The following SORCS2 variants were observed in gnomAD, a reference collection of about 807,000 sequenced individuals.
SORCS2 encodes the protein VPS10 domain-containing receptor SorCS2.
SORCS2 carries 100 observed loss-of-function variants against 141.6 expected under a neutral mutation model. That is an observed-to-expected ratio of 0.71 (90% CI 0.60 to 0.83). SORCS2 has a LOEUF of 0.83. SORCS2 is among the 40% of genes least tolerant of loss of function. The pLI is 0.00. For synonymous variants in SORCS2, 789 were observed against 676.9 expected, an observed-to-expected ratio of 1.17 and a Z score of -2.57; for missense variants, 1,646 against 1,560.2, an observed-to-expected ratio of 1.05 and a Z score of -0.93.
intron 7 of SORCS2, among the ~76,000 whole-genome samples, chr4:7,665,070 C>T (rs187672277): frequency 8.3e-4 from 127 of 152,306 alleles, no homozygotes; most frequent in Non-Finnish European, 1.6e-3. Flanking sequence ...TCTGCGTCAT[C>T]GGACTCCCAT....
intron 2 of SORCS2, among the ~76,000 whole-genome samples, chr4:7,494,617 C>T (rs1033796063): frequency 1.1e-4 from 17 of 152,212 alleles, no homozygotes; most frequent in African/African-American, 4.1e-4. Flanking sequence ...TAATCACCTC[C>T]CAAAGGCCCC....
At chr4:7,705,329 C>G (rs904462742) in intron 14 of SORCS2, among the ~76,000 whole-genome samples, 1 of 152,198 alleles carries the variant, frequency 6.6e-6, no homozygotes, top group African/African-American at 2.4e-5. Flanking sequence ...GCCTTCTGGC[C>G]TCCAGAGCGC....
chr4:7,645,271 C>G (rs1720998187), intron 4 of SORCS2, among the ~76,000 whole-genome samples: 1 of 152,174 alleles, frequency 6.6e-6, no homozygotes, highest in African/African-American at 2.4e-5. Flanking sequence ...GACCAACCAT[C>G]CTTCTTGAAG....
chr4:7,588,318 C>T (rs533319147), intron 3 of SORCS2, among the ~76,000 whole-genome samples: 2 of 152,134 alleles, frequency 1.3e-5, no homozygotes, highest in African/African-American at 4.8e-5. Flanking sequence ...AACTTTCATG[C>T]GGTTGTTGGT....
At chr4:7,712,941 G>C in intron 15 of SORCS2, 88 bp downstream of exon 15, 8 of 1,535,194 alleles carry the variant, frequency 5.2e-6, no homozygotes, top group Non-Finnish European at 7.0e-6. Context: ...TCCCCTGCAA[G>C]GCCGCAGGGC....
chr4:7,737,338 A>C, intron 26 of SORCS2, 166 bp downstream of exon 26: 1 of 880,330 alleles, frequency 1.1e-6, no homozygotes, highest in Non-Finnish European at 1.7e-6. Flanking sequence ...TGTCCCCTCC[A>C]TCTGATGAGG....
intron 2 of SORCS2, among the ~76,000 whole-genome samples, chr4:7,455,460 G>A (rs1728834751): frequency 7.0e-6 from 1 of 143,656 alleles, no homozygotes; most frequent in Non-Finnish European, 1.5e-5. Flanking sequence ...CTGTGTGTTG[G>A]GGTCAGGTGC....
intron 3 of SORCS2, among the ~76,000 whole-genome samples, chr4:7,556,077 A>G (rs1011517518): frequency 6.6e-6 from 1 of 152,242 alleles, no homozygotes; most frequent in Non-Finnish European, 1.5e-5. Context: ...TTTTAAACAC[A>G]GGATGCCAAC....
intron 3 of SORCS2, among the ~76,000 whole-genome samples, chr4:7,544,102 A>G (rs1457522740): frequency 6.6e-6 from 1 of 150,564 alleles, no homozygotes; most frequent in Non-Finnish European, 1.5e-5. Context: ...CCATGCATGC[A>G]TCCACCCATC....
chr4:7,408,753 A>G (rs1725129676), intron 2 of SORCS2, among the ~76,000 whole-genome samples: 1 of 151,920 alleles, frequency 6.6e-6, no homozygotes, highest in South Asian at 2.1e-4. Flanking sequence ...TTGCTCTTTG[A>G]GGTAATTTTC....
At chr4:7,332,534 C>A (rs957198462) in intron 1 of SORCS2, among the ~76,000 whole-genome samples, 14 of 152,230 alleles carry the variant, frequency 9.2e-5, no homozygotes, top group African/African-American at 3.4e-4. Flanking sequence ...CTGGCCTAGG[C>A]AACACTCTCC....
chr4:7,384,244 C>T (rs1723156306), intron 1 of SORCS2, among the ~76,000 whole-genome samples: 1 of 152,210 alleles, frequency 6.6e-6, no homozygotes, highest in African/African-American at 2.4e-5. Context: ...GGTGCCTCAA[C>T]TTCCCCCAAA....
intron 1 of SORCS2, among the ~76,000 whole-genome samples, chr4:7,372,659 C>G (rs1352303186): frequency 6.6e-6 from 1 of 152,220 alleles, no homozygotes; most frequent in African/African-American, 2.4e-5. Flanking sequence ...TAAATGCATA[C>G]ACTCATGGAC....
At chr4:7,321,128 G>A (rs1718868402) in intron 1 of SORCS2, among the ~76,000 whole-genome samples, 1 of 152,038 alleles carries the variant, frequency 6.6e-6, no homozygotes, top group Non-Finnish European at 1.5e-5. Context: ...TAATGTCCAT[G>A]ATACTCCTGT....
In SORCS2 at chr4:7,664,488, G is replaced by A; in HGVS notation, c.1071+17G>A. 6.4e-7 allele frequency: 1 copy of A among 1,563,426 alleles called. No homozygotes were observed. Among genetic ancestry groups the A allele is most frequent in the Non-Finnish European group, 8.7e-7 (1 of 1,148,812 alleles). On this transcript the variant is annotated intron_variant, in intron 7 of 26. Transcript: ENST00000507866. The surrounding 1 kb of genome is among the most constrained non-coding windows in gnomAD (Gnocchi z 4.7). ...TTCTTTAAGGTAAGGTTGCTTCTGGGGCTTTTGGAAATTGGCAACAGGTGA... is the reference window on the plus strand; with the variant it reads ...TTCTTTAAGGTAAGGTTGCTTCTGGAGCTTTTGGAAATTGGCAACAGGTGA...
chr4:7,536,580 G>A (rs1398145569), intron 3 of SORCS2, among the ~76,000 whole-genome samples: 7 of 152,268 alleles, frequency 4.6e-5, no homozygotes, highest in South Asian at 2.1e-4. Context: ...GAGGTCAGGC[G>A]TGATTCCTCC....
Position 7,703,293 on chromosome 4 carries a change from A to C in SORCS2, c.1682A>C (p.Glu561Ala). The C allele has an allele frequency of 6.2e-7, 1 of 1,612,362 alleles. No homozygotes were observed. ...TCTCCTCTGCAGGTGTTTGAGGAAG[A>C]GCATCACATCCTGTACCTGGACCAC... ...GHTWRQVFEEEHHILYLDHGG... is the reference protein window; with the variant it reads ...GHTWRQVFEEAHHILYLDHGG... Residue 561 changes from glutamate to alanine, a missense_variant, in exon 13 of 27, where the codon GAG becomes GCG. Coordinates refer to ENST00000507866, the MANE Select transcript of SORCS2 (RefSeq NM_020777.3).
rs575921618 is a variant in SORCS2 at position 7,492,538 on chromosome 4, G to T, written c.549-38992G>T. Among the ~76,000 whole-genome samples, 217 of 152,324 alleles carry T rather than the reference G, an allele frequency of 1.4e-3. 1 individual carries two copies. Among genetic ancestry groups the T allele is most frequent in the Admixed American group, 2.1e-3 (32 of 15,296 alleles). ...AGTACAGGGACCTCTTCCACATTCT[G>T]ATTTTATTTCCTTTTGCTATGTACC... On this transcript the variant is annotated intron_variant, in intron 2 of 26. Transcript: ENST00000507866.
intron 2 of SORCS2, among the ~76,000 whole-genome samples, chr4:7,513,130 C>T (rs193026381): frequency 3.9e-5 from 6 of 152,330 alleles, no homozygotes; most frequent in Admixed American, 1.3e-4. Flanking sequence ...CTGTGGGATT[C>T]TGTGCAAGTC....
Sources: allele counts gnomAD v4.1 joint callset (sites outside exome capture counted in the v4.1 genomes callset), GRCh38; gene constraint gnomAD v4.1.1; non-coding constraint Gnocchi (gnomAD v3.1); transcripts MANE v1.5; gene names NCBI Gene and HGNC (gene_info 2026-07-23, HGNC 2026-07-21).